The following GPR39 variants were observed in gnomAD, a reference collection of about 807,000 sequenced individuals.
GPR39 encodes the protein zinc sensing receptor.
A neutral mutation model predicts 18.4 loss-of-function variants in GPR39; 23 were observed. The ratio of observed to expected loss-of-function variants is 1.25; its 90% CI spans 0.90 to 1.77. The LOEUF (loss-of-function observed/expected upper bound fraction) is 1.77, where lower values mean the gene tolerates loss of function less well. GPR39 is among the 40% of genes most tolerant of loss of function. The probability of loss-of-function intolerance (pLI) is 0.00; values close to 1 mark genes in which losing one functional copy is unlikely to be tolerated. For synonymous variants in GPR39, 280 were observed against 257.9 expected (o/e 1.09, Z -0.82); for missense variants, 647 against 602.4 (o/e 1.07, Z -0.78).
chr2:132,520,650 G>C (rs1679409284), intron 1 of GPR39, among the ~76,000 whole-genome samples: 1 of 152,230 alleles, frequency 6.6e-6, no homozygotes, highest in Non-Finnish European at 1.5e-5. Context: ...GTATTGCTTT[G>C]GTTCAGTTAG....
chr2:132,522,814 A>G (rs1679448806), intron 1 of GPR39, among the ~76,000 whole-genome samples: 1 of 152,204 alleles, frequency 6.6e-6, no homozygotes, highest in Non-Finnish European at 1.5e-5. Flanking sequence ...TGGGGAAACC[A>G]TTCCAACCCT....
intron 1 of GPR39, among the ~76,000 whole-genome samples, chr2:132,628,773 G>T (rs1008614282): frequency 6.6e-6 from 1 of 152,180 alleles, no homozygotes; most frequent in African/African-American, 2.4e-5. Context: ...ACGTGTGTGT[G>T]TGTGTGTTTG....
intron 1 of GPR39, among the ~76,000 whole-genome samples, chr2:132,633,463 G>A (rs1440489237): frequency 6.6e-6 from 1 of 151,874 alleles, no homozygotes; most frequent in East Asian, 1.9e-4. Context: ...CTGTTAAACA[G>A]GCTGTTAATC....
intron 1 of GPR39, among the ~76,000 whole-genome samples, chr2:132,428,408 A>G (rs1473102746): frequency 6.6e-6 from 1 of 152,200 alleles, no homozygotes; most frequent in East Asian, 1.9e-4. Context: ...AGAAGCCTAA[A>G]TGTACCACTT....
chr2:132,443,282 A>G (rs147363013), intron 1 of GPR39, among the ~76,000 whole-genome samples: 1 of 152,348 alleles, frequency 6.6e-6, no homozygotes, highest in East Asian at 1.9e-4. Context: ...TTATGCTTTT[A>G]TTGCGTAACT....
In GPR39 at chr2:132,640,356, G is replaced by A. The variant is rs550568813; in HGVS notation, c.857-4745G>A. On this transcript the variant is annotated intron_variant, in intron 1 of 1. Transcript: ENST00000329321. ...TAAACAACATGACTCTGCCAAGAAT[G>A]AATCTGTGTCATCATCTAATGGCTC... Among the ~76,000 whole-genome samples, 3 of 152,326 alleles carry A rather than the reference G, an allele frequency of 2.0e-5. No individual in the cohort carries two copies. The South Asian group carries it at 6.2e-4, about 32-fold the overall frequency.
intron 1 of GPR39, among the ~76,000 whole-genome samples, chr2:132,540,722 A>G (rs1014612779): frequency 2.6e-4 from 40 of 152,012 alleles, no homozygotes; most frequent in African/African-American, 8.5e-4. Flanking sequence ...ATTAAAGGCA[A>G]TCTTGGTGTT....
chr2:132,461,034 G>A (rs958528631), intron 1 of GPR39, among the ~76,000 whole-genome samples: 1 of 152,174 alleles, frequency 6.6e-6, no homozygotes, highest in African/African-American at 2.4e-5. Context: ...TAGGGAACTG[G>A]GATGTATGAG....
At chr2:132,498,897 C>A (rs565528565) in intron 1 of GPR39, among the ~76,000 whole-genome samples, 1 of 152,240 alleles carries the variant, frequency 6.6e-6, no homozygotes, top group East Asian at 1.9e-4. Flanking sequence ...CTTTAGCCCA[C>A]TTTTTGATGG....
At chr2:132,439,807 C>A (rs1168522216) in intron 1 of GPR39, among the ~76,000 whole-genome samples, 2 of 152,100 alleles carry the variant, frequency 1.3e-5, no homozygotes. Context: ...CTAGTGGTGG[C>A]CAGGATATGT....
intron 1 of GPR39, among the ~76,000 whole-genome samples, chr2:132,558,883 A>G (rs570332353): frequency 2.6e-5 from 4 of 152,280 alleles, no homozygotes; most frequent in Admixed American, 2.6e-4. Flanking sequence ...TTCTTGGCTC[A>G]ATGTATCTGT....
chr2:132,500,644 A>G (rs1163520279), intron 1 of GPR39, among the ~76,000 whole-genome samples: 1 of 152,182 alleles, frequency 6.6e-6, no homozygotes, highest in African/African-American at 2.4e-5. Flanking sequence ...AAATAGTGTC[A>G]ACAGGATTGG....
At chr2:132,557,246 G>A (rs374679633) in intron 1 of GPR39, among the ~76,000 whole-genome samples, 1 of 152,260 alleles carries the variant, frequency 6.6e-6, no homozygotes, top group East Asian at 1.9e-4. Context: ...TTGAACCCAG[G>A]AGGGGAAGTT....
At chr2:132,591,257 C>CAAAAAAAA (rs747314988) in intron 1 of GPR39, among the ~76,000 whole-genome samples, 7 of 24,494 alleles carry the variant, frequency 2.9e-4, no homozygotes, top group African/African-American at 1.1e-3. Context: ...GACTCCGTCT[C>CAAAAAAAA]AAAAAAAAAA....
intron 1 of GPR39, among the ~76,000 whole-genome samples, chr2:132,634,003 T>C (rs868552857): frequency 6.6e-6 from 1 of 151,134 alleles, no homozygotes; most frequent in African/African-American, 2.4e-5. Context: ...ATGATGATGG[T>C]GGTGGAAGCA....
At chr2:132,635,067 A>G (rs1681725026) in intron 1 of GPR39, among the ~76,000 whole-genome samples, 2 of 152,170 alleles carry the variant, frequency 1.3e-5, no homozygotes, top group Non-Finnish European at 2.9e-5. Flanking sequence ...TTGGATGAGA[A>G]AGTGATCCCT....
chr2:132,486,353 C>T (rs961401093), intron 1 of GPR39, among the ~76,000 whole-genome samples: 2 of 152,150 alleles, frequency 1.3e-5, no homozygotes, highest in South Asian at 2.1e-4. Flanking sequence ...TGCATTAGCC[C>T]GTAACAAGAC....
chr2:132,557,059 T>C (rs959144788), intron 1 of GPR39, among the ~76,000 whole-genome samples: 1 of 142,254 alleles, frequency 7.0e-6, no homozygotes, highest in Non-Finnish European at 1.5e-5. Flanking sequence ...CTCATGCCTG[T>C]AATCCTGGCA....
chr2:132,424,409 C>G (rs889500135), intron 1 of GPR39, among the ~76,000 whole-genome samples: 7 of 152,298 alleles, frequency 4.6e-5, no homozygotes, highest in East Asian at 1.9e-4. Context: ...GTGAGCCACA[C>G]TTATCACCCC....
Sources: allele counts gnomAD v4.1 joint callset (sites outside exome capture counted in the v4.1 genomes callset), GRCh38; gene constraint gnomAD v4.1.1; transcripts MANE v1.5; gene names NCBI Gene and HGNC (gene_info 2026-07-23, HGNC 2026-07-21).